CAPN2: variants seen among roughly 807,000 people sequenced by gnomAD.
CAPN2 encodes the protein calpain 2, also known as calpain-2 catalytic subunit.
In CAPN2, 92 loss-of-function variants were observed where a neutral mutation model predicts 102.3. The observed-to-expected ratio is 0.90, with a 90% CI of 0.76 to 1.07. CAPN2 has a LOEUF of 1.07. CAPN2 is among the 50% of genes least tolerant of loss of function. The probability of loss-of-function intolerance (pLI) is 0.00; values close to 1 mark genes in which losing one functional copy is unlikely to be tolerated. For synonymous variants in CAPN2, 340 were observed against 355.4 expected (o/e 0.96, Z 0.49); for missense variants, 800 against 909.4 (o/e 0.88, Z 1.55).
rs1382515776 is a variant in CAPN2, at chr1:223,741,435, A to ATATATATATATATATATAT, written c.308-2665_308-2664insTATATATATATATATATAT. ...GGCTGTAAAATGTATATATATATAT[A>ATATATATATATATATATAT]ATGTGTATATATATATATATATATA... On this transcript the variant is annotated intron_variant, in intron 2 of 20. Coordinates refer to ENST00000295006, the MANE Select transcript of CAPN2 (RefSeq NM_001748.5). Among the ~76,000 whole-genome samples the ATATATATATATATATATAT allele has an allele frequency of 3.2e-4, 13 of 40,574 alleles. 1 individual carries two copies. The highest frequency in any genetic ancestry group is 2.0e-3 in the African/African-American group (13 of 6,434). The allele number at this position is 40,574 out of a possible 152,430, so 26.6% of individuals were successfully genotyped here.
At chr1:223,773,942 G>A (rs1007070653) in intron 20 of CAPN2, among the ~76,000 whole-genome samples, 22 of 152,074 alleles carry the variant, frequency 1.4e-4, no homozygotes, top group African/African-American at 5.3e-4. Context: ...GCTAAGGTGG[G>A]AGGAACACCT....
intron 16 of CAPN2, 134 bp from the exon 17 acceptor site, chr1:223,769,707 C>T: frequency 1.4e-6 from 1 of 703,336 alleles, no homozygotes; most frequent in Non-Finnish European, 2.6e-6. Context: ...GTGGGAAAAG[C>T]AGGAAAAGGA....
intron 2 of CAPN2, among the ~76,000 whole-genome samples, chr1:223,718,470 G>C (rs1659941490): frequency 6.6e-6 from 1 of 152,208 alleles, no homozygotes; most frequent in African/African-American, 2.4e-5. Flanking sequence ...CTTGTTGAAG[G>C]TTTCAACCCA....
In CAPN2 at chr1:223,759,680, G is replaced by A. The variant is rs75374225; in HGVS notation, c.1529+199G>A. On this transcript the variant is annotated intron_variant, in intron 12 of 20. Transcript: ENST00000295006. This position sits in a 1 kb window ranked among gnomAD's most constrained non-coding sequence, Gnocchi z 4.6. Reference sequence around the variant, plus strand: ...TATAGTAAGGTAAACAATGGAAAAAGCCACTGTGGATATTTTTGGTTGGAA... The same window carrying A: ...TATAGTAAGGTAAACAATGGAAAAAACCACTGTGGATATTTTTGGTTGGAA... Among the ~76,000 whole-genome samples the A allele has an allele frequency of 9.3e-3, 1,409 of 152,304 alleles. 28 individuals carry two copies. Among genetic ancestry groups the A allele is most frequent in the African/African-American group, 0.032 (1,345 of 41,574 alleles).
At chr1:223,721,245 G>A (rs1246582150) in intron 2 of CAPN2, among the ~76,000 whole-genome samples, 1 of 152,198 alleles carries the variant, frequency 6.6e-6, no homozygotes, top group African/African-American at 2.4e-5. Context: ...AGACCCAGCT[G>A]GAGCCTCCAC....
rs16842201 is a variant in CAPN2 at position 223,774,958 on chromosome 1, G to A, written c.*101G>A. On this transcript the variant is annotated 3_prime_UTR_variant, in exon 21 of 21. Transcript: ENST00000295006. ...TTGTATCTGGACCTCAAAATTATGG[G>A]AACATTTACTTAAACGGATGATCAT... is the stretch of plus-strand genomic sequence containing the variant. The A allele has an allele frequency of 3.6e-3, 3,412 of 959,956 alleles. 84 individuals carry two copies. The African/African-American group carries it at 0.049, about 14-fold the overall frequency. The allele number at this position is 959,956 out of a possible 1,614,324, so 59.5% of individuals were successfully genotyped here.
rs547048573 is a variant in CAPN2 at position 223,727,389 on chromosome 1, C to A, written c.307+9558C>A. 1.3e-5 allele frequency among the ~76,000 whole-genome samples: 2 copies of A among 152,310 alleles called. No individual in the cohort carries two copies. Among genetic ancestry groups the A allele is most frequent in the East Asian group, 3.9e-4 (2 of 5,176 alleles). ...GCATCCTTGGCCTCTACCCACACAC[C>A]CCCGTGTGCCACTCAAAAATGTCTG... is the stretch of plus-strand genomic sequence containing the variant. On this transcript the variant is annotated intron_variant, in intron 2 of 20. Coordinates refer to ENST00000295006, the MANE Select transcript of CAPN2 (RefSeq NM_001748.5). The surrounding 1 kb of genome is among the most constrained non-coding windows in gnomAD (Gnocchi z 4.1).
rs367896839 is a variant in CAPN2, at chr1:223,766,454, G to C, written c.1755+23G>C. ...GATGTATCCTTTAATGTGCTCCAGG[G>C]AATAGAGACTGGGGGAGTTTAAAAT... On this transcript the variant is annotated intron_variant, in intron 16 of 20. Transcript: ENST00000295006. 5.8e-6 allele frequency: 9 copies of C among 1,564,468 alleles called. No individual in the cohort carries two copies. In the African/African-American group the frequency reaches 1.2e-4, roughly 21 times the overall value.
chr1:223,736,212 C>T (rs868204650), intron 2 of CAPN2, among the ~76,000 whole-genome samples: 2 of 152,308 alleles, frequency 1.3e-5, no homozygotes, highest in Non-Finnish European at 1.5e-5. Context: ...AAGGGCAGCA[C>T]ACAGCCCTGG....
chr1:223,752,598 C>CA (rs1477154127), intron 8 of CAPN2, among the ~76,000 whole-genome samples, 198 bp from the exon 9 acceptor site: 1 of 152,206 alleles, frequency 6.6e-6, no homozygotes, highest in Non-Finnish European at 1.5e-5. Flanking sequence ...GTAACCTGCT[C>CA]AAAGTCACCC....
chr1:223,711,078 T>C (rs1659717127), upstream of CAPN2, among the ~76,000 whole-genome samples: 1 of 152,198 alleles, frequency 6.6e-6, no homozygotes, highest in Non-Finnish European at 1.5e-5. Context: ...CATTGGAAGA[T>C]GTTCAGCGGC....
At chr1:223,738,061 TTC>T (rs1159601095) in intron 2 of CAPN2, among the ~76,000 whole-genome samples, 1 of 152,238 alleles carries the variant, frequency 6.6e-6, no homozygotes, top group African/African-American at 2.4e-5. Flanking sequence ...GTAGACTTCC[TTC>T]TCTTAGATTT....
intron 11 of CAPN2, 120 bp downstream of exon 11, chr1:223,757,500 C>A: frequency 9.7e-7 from 1 of 1,029,808 alleles, no homozygotes; most frequent in Non-Finnish European, 1.5e-6. Flanking sequence ...AAGGATGAGT[C>A]CTGGCCACCC....
At chr1:223,715,467 C>A (rs1455514670) in intron 1 of CAPN2, among the ~76,000 whole-genome samples, 4 of 151,968 alleles carry the variant, frequency 2.6e-5, no homozygotes, top group Non-Finnish European at 4.4e-5. Context: ...GAAACAGGAT[C>A]CCTGAGGAAG....
chr1:223,712,376 T>A (rs1659751069), upstream of CAPN2: 1 of 908,238 alleles, frequency 1.1e-6, no homozygotes, highest in Admixed American at 5.8e-5. Flanking sequence ...TGTCCGCAGA[T>A]GGCAGCACCG....
rs1464941000 is a variant in CAPN2 at position 223,726,548 on chromosome 1, G to T, written c.307+8717G>T. ...TAGAGAGAGGAAGAGTGAATGTCAA[G>T]CCCCAGCACCCTCGCCTCCCTCCCA... On this transcript the variant is annotated intron_variant, in intron 2 of 20. Transcript: ENST00000295006. This position sits in a 1 kb window ranked among gnomAD's most constrained non-coding sequence, Gnocchi z 4.4. Among the ~76,000 whole-genome samples, 3 of 152,140 alleles carry T rather than the reference G, an allele frequency of 2.0e-5. No individual in the cohort carries two copies. The highest frequency in any genetic ancestry group is 4.4e-5 in the Non-Finnish European group (3 of 68,010).
chr1:223,719,151 T>C (rs1430043284), intron 2 of CAPN2, among the ~76,000 whole-genome samples: 1 of 152,104 alleles, frequency 6.6e-6, no homozygotes, highest in African/African-American at 2.4e-5. Flanking sequence ...AAGATAGAGG[T>C]CCTTGAGCAC....
At chr1:223,719,125 G>A (rs7539624) in intron 2 of CAPN2, among the ~76,000 whole-genome samples, 101,719 of 152,032 alleles carry the variant, frequency 0.67, 35,749 homozygotes, top group Non-Finnish European at 0.78. Flanking sequence ...TTTTCTTCTC[G>A]CCCCACAAAA....
At chr1:223,766,789 G>A (rs1352757606) in intron 16 of CAPN2, among the ~76,000 whole-genome samples, 1 of 152,112 alleles carries the variant, frequency 6.6e-6, no homozygotes, top group Non-Finnish European at 1.5e-5. Context: ...GTGAAACCTT[G>A]TCTCTACTAA....
Sources: allele counts gnomAD v4.1 joint callset (sites outside exome capture counted in the v4.1 genomes callset), GRCh38; gene constraint gnomAD v4.1.1; non-coding constraint Gnocchi (gnomAD v3.1); transcripts MANE v1.5; gene names NCBI Gene and HGNC (gene_info 2026-07-23, HGNC 2026-07-21).